NLGN1: variants seen among roughly 807,000 people sequenced by gnomAD.
NLGN1 encodes neuroligin-1.
A neutral mutation model predicts 65.5 loss-of-function variants in NLGN1; 12 were observed. The observed-to-expected ratio is 0.18, with a 90% CI of 0.12 to 0.30. NLGN1 has a LOEUF of 0.30. Among genes scored for constraint, NLGN1 ranks in the 10% least tolerant of loss-of-function variants. The pLI, the probability that NLGN1 is intolerant of heterozygous loss-of-function variation, is 1.00. For synonymous variants in NLGN1, 350 were observed against 359.5 expected (o/e 0.97, Z 0.30); for missense variants, 750 against 1,007.1 (o/e 0.74, Z 3.46).
At chr3:174,204,100 T>G (rs1410181126) in intron 4 of NLGN1, among the ~76,000 whole-genome samples, 1 of 152,168 alleles carries the variant, frequency 6.6e-6, no homozygotes, top group African/African-American at 2.4e-5. Flanking sequence ...TTAAATCAGA[T>G]GGTGATTTTT....
chr3:173,541,590 G>T lies in NLGN1; in HGVS notation c.-320-62689G>T, dbSNP rs184280213. On this transcript the variant is annotated intron_variant, in intron 2 of 6. Transcript: ENST00000457714. Reference sequence around the variant, plus strand: ...AATGAAGACAGTGATATAATTATTTGTAGGTAGGGGGATTAACTTAGTAAG... The same window carrying T: ...AATGAAGACAGTGATATAATTATTTTTAGGTAGGGGGATTAACTTAGTAAG... Among the ~76,000 whole-genome samples the T allele has an allele frequency of 2.3e-3, 344 of 152,236 alleles. 2 individuals carry two copies. The highest frequency in any genetic ancestry group is 7.9e-3 in the Admixed American group (120 of 15,262).
chr3:174,010,843 A>G (rs1725389946), intron 4 of NLGN1, among the ~76,000 whole-genome samples: 1 of 152,150 alleles, frequency 6.6e-6, no homozygotes, highest in Non-Finnish European at 1.5e-5. Flanking sequence ...AAAAATTAAT[A>G]TCATGTCTCT....
chr3:173,678,280 G>C (rs1039503360), intron 3 of NLGN1, among the ~76,000 whole-genome samples: 8 of 152,064 alleles, frequency 5.3e-5, no homozygotes, highest in Non-Finnish European at 1.0e-4. Context: ...AATATGGCAT[G>C]GTTCCTGCTT....
intron 2 of NLGN1, among the ~76,000 whole-genome samples, chr3:173,599,139 T>C (rs1198740348): frequency 1.3e-5 from 2 of 152,194 alleles, no homozygotes; most frequent in Non-Finnish European, 2.9e-5. Flanking sequence ...TCTCTTCTTT[T>C]GAAGCCTAAT....
rs571355233 is a variant in NLGN1, at chr3:174,077,108, A to G, written c.647-198207A>G. On this transcript the variant is annotated intron_variant, in intron 4 of 6. Transcript: ENST00000457714. ...AGAAAATTTGCCTTATGTATCTTACATGCATATTTTCCTACTAAATCAATA... is the reference window on the plus strand; with the variant it reads ...AGAAAATTTGCCTTATGTATCTTACGTGCATATTTTCCTACTAAATCAATA... Among the ~76,000 whole-genome samples, 8 of 152,282 alleles carry G rather than the reference A, an allele frequency of 5.3e-5. No individual in the cohort carries two copies. In the South Asian group the frequency reaches 1.7e-3, roughly 32 times the overall value.
chr3:174,053,167 T>G, intron 4 of NLGN1, among the ~76,000 whole-genome samples: 1 of 151,964 alleles, frequency 6.6e-6, no homozygotes, highest in Admixed American at 6.6e-5. Flanking sequence ...GGTGAGTTTC[T>G]TGCCTTTAAA....
chr3:173,708,581 A>C (rs917611062), intron 3 of NLGN1, among the ~76,000 whole-genome samples: 11 of 152,154 alleles, frequency 7.2e-5, no homozygotes, highest in Non-Finnish European at 1.3e-4. Flanking sequence ...GATATCTCAG[A>C]GTTTTTGATA....
exon 7 of NLGN1, chr3:174,281,291 A>C (rs1473818260): frequency 6.2e-7 from 1 of 1,606,288 alleles, no homozygotes; most frequent in Admixed American, 1.7e-5. Context: ...CACATTCAAC[A>C]ACCAGGGTAT....
At chr3:173,580,193 C>G (rs548325362) in intron 2 of NLGN1, among the ~76,000 whole-genome samples, 5 of 152,094 alleles carry the variant, frequency 3.3e-5, no homozygotes, top group Admixed American at 1.3e-4. Context: ...ACTTACTCCT[C>G]TATTTGTTAT....
At chr3:174,074,608 C>T (rs956524) in intron 4 of NLGN1, among the ~76,000 whole-genome samples, 3 of 152,108 alleles carry the variant, frequency 2.0e-5, no homozygotes, top group African/African-American at 7.2e-5. Flanking sequence ...GTTTACTTTT[C>T]TAAAGGATAG....
chr3:173,467,488 A>G (rs1042641101), intron 2 of NLGN1, among the ~76,000 whole-genome samples: 1 of 152,146 alleles, frequency 6.6e-6, no homozygotes, highest in Admixed American at 6.6e-5. Flanking sequence ...AAATTGGTCA[A>G]ACCTTGCCTG....
intron 3 of NLGN1, among the ~76,000 whole-genome samples, chr3:173,669,159 G>A (rs915357819): frequency 6.6e-6 from 1 of 152,168 alleles, no homozygotes; most frequent in Non-Finnish European, 1.5e-5. Flanking sequence ...AAACAATGTG[G>A]TGACAATAGG....
At chr3:174,174,233 C>T (rs112291479) in intron 4 of NLGN1, among the ~76,000 whole-genome samples, 3,672 of 152,056 alleles carry the variant, frequency 0.024, 107 homozygotes, top group African/African-American at 0.062. Flanking sequence ...CATTGATGGG[C>T]ATTTGGGTTG....
At chr3:173,884,644 A>C (rs933305710) in intron 4 of NLGN1, among the ~76,000 whole-genome samples, 1 of 152,212 alleles carries the variant, frequency 6.6e-6, no homozygotes. Flanking sequence ...GTGCATGTAC[A>C]TAGGACTCTA....
At chr3:174,169,804 A>G (rs924212751) in intron 4 of NLGN1, among the ~76,000 whole-genome samples, 2 of 152,078 alleles carry the variant, frequency 1.3e-5, no homozygotes, top group African/African-American at 4.8e-5. Context: ...CCAGGCTTAC[A>G]ATGGGGGAGA....
At chr3:173,509,372 A>G (rs189133385) in intron 2 of NLGN1, among the ~76,000 whole-genome samples, 4 of 151,656 alleles carry the variant, frequency 2.6e-5, no homozygotes, top group African/African-American at 4.8e-5. Flanking sequence ...ATTTGTTTTT[A>G]TTTTTTCAAA....
chr3:174,142,494 C>A (rs2152690669), intron 4 of NLGN1, among the ~76,000 whole-genome samples: 1 of 152,130 alleles, frequency 6.6e-6, no homozygotes, highest in East Asian at 1.9e-4. Flanking sequence ...TATGTTAGTA[C>A]AAATTTTCTA....
At chr3:173,710,020 T>G (rs1243417247) in intron 3 of NLGN1, among the ~76,000 whole-genome samples, 1 of 152,160 alleles carries the variant, frequency 6.6e-6, no homozygotes. Context: ...AACCTACTGT[T>G]CATCTAATAT....
At chr3:173,928,777 T>A (rs1009524642) in intron 4 of NLGN1, among the ~76,000 whole-genome samples, 1 of 151,478 alleles carries the variant, frequency 6.6e-6, no homozygotes, top group African/African-American at 2.4e-5. Context: ...GTTCAAGAGA[T>A]TCTCCTGCCT....
Sources: allele counts gnomAD v4.1 joint callset (sites outside exome capture counted in the v4.1 genomes callset), GRCh38; gene constraint gnomAD v4.1.1; transcripts MANE v1.5; gene names NCBI Gene and HGNC (gene_info 2026-07-23, HGNC 2026-07-21).